RPS6KA6: variants seen among roughly 807,000 people sequenced by gnomAD.
RPS6KA6 encodes ribosomal protein S6 kinase alpha-6.
RPS6KA6 carries 27 observed loss-of-function variants against 65.4 expected under a neutral mutation model. The ratio of observed to expected loss-of-function variants is 0.41; its 90% CI spans 0.30 to 0.57. The LOEUF (loss-of-function observed/expected upper bound fraction) is 0.57. RPS6KA6 is among the 20% of genes least tolerant of loss of function. The pLI is 0.24. For synonymous variants in RPS6KA6, 190 were observed against 184.2 expected (o/e 1.03, Z -0.26); for missense variants, 486 against 555.6 (o/e 0.87, Z 1.26).
intron 20 of RPS6KA6, among the ~76,000 whole-genome samples, chrX:84,066,691 G>A (rs770743174): frequency 3.6e-5 from 4 of 111,583 alleles, no homozygotes; most frequent in Non-Finnish European, 5.7e-5. Flanking sequence ...AGCTTCAGCA[G>A]ACTTAAACTT....
intron 6 of RPS6KA6, among the ~76,000 whole-genome samples, chrX:84,143,602 T>C (rs1225064480): frequency 9.0e-6 from 1 of 111,491 alleles, no homozygotes; most frequent in Non-Finnish European, 1.9e-5. Flanking sequence ...TACTAAAATG[T>C]AACTTATCTG....
intron 8 of RPS6KA6, among the ~76,000 whole-genome samples, chrX:84,133,334 AT>A (rs1481730578): frequency 1.8e-5 from 2 of 112,349 alleles, no homozygotes; most frequent in African/African-American, 6.5e-5. Flanking sequence ...ATTATCTAAT[AT>A]TTATTATTGT....
At chrX:84,140,473 A>G (rs919401670) in intron 6 of RPS6KA6, among the ~76,000 whole-genome samples, 1 of 110,712 alleles carries the variant, frequency 9.0e-6, no homozygotes, top group African/African-American at 3.3e-5. Context: ...ACTGGGGCTC[A>G]TGCCTGTAAT....
chrX:84,115,677 C>G (rs2034551175), intron 12 of RPS6KA6, among the ~76,000 whole-genome samples: 1 of 111,537 alleles, frequency 9.0e-6, no homozygotes, highest in African/African-American at 3.3e-5. Context: ...CAGCACTGTT[C>G]ACAATAGCAA....
At chrX:84,127,666 G>T (rs749490730) in intron 8 of RPS6KA6, among the ~76,000 whole-genome samples, 33 of 110,811 alleles carry the variant, frequency 3.0e-4, no homozygotes, top group Non-Finnish European at 4.7e-4. Flanking sequence ...TTCACCATAT[G>T]CAAATCACTT....
chrX:84,112,758 A>C (rs979132938), intron 12 of RPS6KA6, among the ~76,000 whole-genome samples: 1 of 112,157 alleles, frequency 8.9e-6, no homozygotes, highest in African/African-American at 3.2e-5. Flanking sequence ...ACTACACGAA[A>C]GTAGAATAAC....
chrX:84,162,776 C>A (rs2035533524), intron 2 of RPS6KA6, among the ~76,000 whole-genome samples: 1 of 111,762 alleles, frequency 8.9e-6, no homozygotes, highest in Non-Finnish European at 1.9e-5. Context: ...ACTCCTTTAT[C>A]TTTTATAAAC....
chrX:84,087,628 T>G lies in RPS6KA6; in HGVS notation c.1971+8566A>C, dbSNP rs187293651. On this transcript the variant is annotated intron_variant, in intron 20 of 21. Coordinates refer to ENST00000262752, the MANE Select transcript of RPS6KA6 (RefSeq NM_014496.5). ...TCAACCTTGGAGAATCTGATGATTA[T>G]GTACCTTGTGGTTGATCTTCTGGTG... Among the ~76,000 whole-genome samples the G allele has an allele frequency of 1.5e-3, 163 of 111,554 alleles. 1 individual carries two copies. The highest frequency in any genetic ancestry group is 5.0e-3 in the African/African-American group (155 of 30,697).
chrX:84,138,125 A>G (rs1316974764), intron 6 of RPS6KA6, among the ~76,000 whole-genome samples: 3 of 111,586 alleles, frequency 2.7e-5, no homozygotes, highest in Non-Finnish European at 5.7e-5. Flanking sequence ...TATTTAAGCA[A>G]TTTCTCAAAT....
chrX:84,070,573 A>C (rs918590962), intron 20 of RPS6KA6, among the ~76,000 whole-genome samples: 5 of 111,173 alleles, frequency 4.5e-5, no homozygotes, highest in Admixed American at 9.6e-5. Context: ...ACCAAAAAAA[A>C]ACTGTTCTAA....
intron 20 of RPS6KA6, among the ~76,000 whole-genome samples, chrX:84,070,612 G>A (rs931335720): frequency 4.5e-5 from 5 of 110,996 alleles, no homozygotes; most frequent in African/African-American, 1.6e-4. Context: ...GTATGCAAAC[G>A]TTTCATCAAT....
intron 20 of RPS6KA6, among the ~76,000 whole-genome samples, chrX:84,092,690 A>G (rs184437437): frequency 3.6e-5 from 4 of 111,420 alleles, no homozygotes; most frequent in Admixed American, 9.5e-5. Context: ...AAATAAAAAA[A>G]TAAGTGTTGA....
At chrX:84,097,899 T>C in intron 18 of RPS6KA6, 51 bp from the exon 19 acceptor site, 1 of 889,214 alleles carries the variant, frequency 1.1e-6, no homozygotes, top group Non-Finnish European at 1.6e-6. Context: ...AACTCAATTT[T>C]CTCCCAAAGA....
At chrX:84,186,339 G>A (rs1199849242) in intron 1 of RPS6KA6, among the ~76,000 whole-genome samples, 1 of 112,080 alleles carries the variant, frequency 8.9e-6, no homozygotes, top group Admixed American at 9.4e-5. Context: ...TATAAGTTCA[G>A]TAAGTTACAT....
At chrX:84,095,255 T>C (rs5967469) in intron 20 of RPS6KA6, among the ~76,000 whole-genome samples, 61,203 of 111,380 alleles carry the variant, frequency 0.55, 13,671 homozygotes, top group Non-Finnish European at 0.71. Flanking sequence ...AATTAGCACA[T>C]GTTAACTATA....
chrX:84,102,891 G>A (rs1425930435), intron 17 of RPS6KA6, among the ~76,000 whole-genome samples: 1 of 110,594 alleles, frequency 9.0e-6, no homozygotes, highest in Non-Finnish European at 1.9e-5. Context: ...ATGCTGAGTG[G>A]AGGAATATTA....
At chrX:84,079,874 A>AG (rs1350082446) in intron 20 of RPS6KA6, among the ~76,000 whole-genome samples, 3 of 112,208 alleles carry the variant, frequency 2.7e-5, no homozygotes, top group Middle Eastern at 9.2e-3. Context: ...GAGCACCTGG[A>AG]GGAAGGGGCA....
chrX:84,090,318 T>G (rs1054946240), intron 20 of RPS6KA6, among the ~76,000 whole-genome samples: 8 of 112,331 alleles, frequency 7.1e-5, no homozygotes, highest in African/African-American at 2.6e-4. Context: ...CTTCCTAGCT[T>G]GGCTTAGATA....
intron 12 of RPS6KA6, among the ~76,000 whole-genome samples, chrX:84,110,398 C>T: frequency 8.9e-6 from 1 of 112,045 alleles, no homozygotes; most frequent in South Asian, 3.7e-4. Flanking sequence ...CTCCCTTTCC[C>T]CTCACCCCTC....
Sources: gnomAD v4.1 joint callset for allele counts (sites outside exome capture counted in the v4.1 genomes callset) on GRCh38, gnomAD v4.1.1 for gene constraint, MANE v1.5 for transcripts, NCBI Gene and HGNC (gene_info 2026-07-23, HGNC 2026-07-21) for gene names.